ROR1: variants seen among roughly 807,000 people sequenced by gnomAD.
The protein encoded by ROR1 is inactive tyrosine-protein kinase transmembrane receptor ROR1.
Under a neutral mutation model 78.8 loss-of-function variants are expected in ROR1, and 19 were observed. The ratio of observed to expected loss-of-function variants is 0.24; its 90% CI spans 0.17 to 0.35. The LOEUF (loss-of-function observed/expected upper bound fraction) is 0.35. Among genes scored for constraint, ROR1 ranks in the 10% least tolerant of loss-of-function variants. The probability of loss-of-function intolerance (pLI) is 1.00; values close to 1 mark genes in which losing one functional copy is unlikely to be tolerated. For missense variants in ROR1, 917 were observed against 1,177.8 expected (o/e 0.78, Z 3.24); for synonymous variants, 386 against 433.6 (o/e 0.89, Z 1.36).
intron 4 of ROR1, among the ~76,000 whole-genome samples, chr1:64,083,606 A>AC (rs1647123628): frequency 6.6e-6 from 1 of 151,052 alleles, no homozygotes; most frequent in African/African-American, 2.4e-5. Flanking sequence ...AAAAAAAAAA[A>AC]AACAACCATT....
intron 1 of ROR1, among the ~76,000 whole-genome samples, chr1:63,909,740 G>A (rs1250059926): frequency 6.6e-6 from 1 of 152,046 alleles, no homozygotes; most frequent in East Asian, 1.9e-4. Context: ...ATCAGTGTGA[G>A]TAACTGCTAC....
chr1:63,833,106 C>G (rs991098014), intron 1 of ROR1, among the ~76,000 whole-genome samples: 5 of 152,202 alleles, frequency 3.3e-5, no homozygotes, highest in Non-Finnish European at 7.3e-5. Context: ...GGTGATTTCT[C>G]AGAACTCATA....
intron 1 of ROR1, among the ~76,000 whole-genome samples, chr1:63,879,943 G>T (rs190395948): frequency 6.6e-6 from 1 of 152,232 alleles, no homozygotes; most frequent in African/African-American, 2.4e-5. Flanking sequence ...AAAAAGTAAG[G>T]ATTAAGGGAG....
intron 4 of ROR1, among the ~76,000 whole-genome samples, chr1:64,132,960 G>A (rs1047780201): frequency 6.6e-6 from 1 of 151,938 alleles, no homozygotes; most frequent in African/African-American, 2.4e-5. Context: ...CACTTTGGTG[G>A]GCTACCCTGG....
At chr1:64,044,495 C>T (rs1646769025) in intron 2 of ROR1, among the ~76,000 whole-genome samples, 1 of 152,060 alleles carries the variant, frequency 6.6e-6, no homozygotes, top group Admixed American at 6.6e-5. Flanking sequence ...AAAAAAAAGC[C>T]AATTGCACTT....
chr1:63,864,327 T>C (rs897462473), intron 1 of ROR1, among the ~76,000 whole-genome samples: 2 of 152,166 alleles, frequency 1.3e-5, no homozygotes, highest in Non-Finnish European at 2.9e-5. Flanking sequence ...GGCCTTGTTA[T>C]GAGGCCACAG....
intron 1 of ROR1, among the ~76,000 whole-genome samples, chr1:63,943,117 AG>A (rs1227699465): frequency 2.4e-5 from 3 of 125,364 alleles, no homozygotes; most frequent in Non-Finnish European, 3.6e-5. Context: ...AAAAAAAAAA[AG>A]ATTAAGTGCA....
At chr1:64,103,357 G>A (rs868399933) in intron 4 of ROR1, among the ~76,000 whole-genome samples, 11 of 150,456 alleles carry the variant, frequency 7.3e-5, no homozygotes, top group South Asian at 2.1e-4. Flanking sequence ...AAAAAAGTAA[G>A]GAACTAGAAA....
chr1:63,944,216 T>C (rs1034966008), intron 1 of ROR1, among the ~76,000 whole-genome samples: 2 of 152,136 alleles, frequency 1.3e-5, no homozygotes, highest in African/African-American at 4.8e-5. Flanking sequence ...TCCCAGGAGA[T>C]TGGCTAAACC....
chr1:63,940,986 G>A, intron 1 of ROR1, among the ~76,000 whole-genome samples: 1 of 152,156 alleles, frequency 6.6e-6, no homozygotes, highest in Non-Finnish European at 1.5e-5. Context: ...GAAATATCAA[G>A]CAAACTGAGT....
chr1:63,822,780 C>G (rs1268578357), intron 1 of ROR1, among the ~76,000 whole-genome samples: 1 of 152,146 alleles, frequency 6.6e-6, no homozygotes, highest in African/African-American at 2.4e-5. Flanking sequence ...TTGGGCATTA[C>G]TCCTCTCTCT....
rs376298624 is a variant in ROR1, at chr1:63,870,037, C to T, written c.91+95529C>T. ...CACAAATATTACAACAGAAACTGAACTCAAAACACAAGGAAAAATGTGTGT... is the reference window on the plus strand; with the variant it reads ...CACAAATATTACAACAGAAACTGAATTCAAAACACAAGGAAAAATGTGTGT... On this transcript the variant is annotated intron_variant, in intron 1 of 8. Coordinates refer to ENST00000371079, the MANE Select transcript of ROR1 (RefSeq NM_005012.4). 4.6e-5 allele frequency among the ~76,000 whole-genome samples: 7 copies of T among 152,132 alleles called. No homozygotes were observed. In the East Asian group the frequency reaches 9.6e-4, roughly 21 times the overall value.
Position 63,815,478 on chromosome 1 carries a change from C to CTTTTCTTTTTTTTTTTTTT in ROR1, c.91+40974_91+40975insCTTTTTTTTTTTTTTTTTT, listed in dbSNP as rs1644885927. Among the ~76,000 whole-genome samples, 4 of 103,468 alleles carry CTTTTCTTTTTTTTTTTTTT rather than the reference C, an allele frequency of 3.9e-5. No individual in the cohort carries two copies. The South Asian group carries it at 1.2e-3, about 31-fold the overall frequency. The allele number at this position is 103,468 out of a possible 152,430, so 67.9% of individuals were successfully genotyped here. The stretch of plus-strand genomic sequence containing the variant: ...TTTTCTTTTTCTTTTCTTTTCTTTT[C>CTTTTCTTTTTTTTTTTTTT]TTTTTCTTTTTTTTTTTTTTTTGAG... On this transcript the variant is annotated intron_variant, in intron 1 of 8. Coordinates refer to ENST00000371079, the MANE Select transcript of ROR1 (RefSeq NM_005012.4).
chr1:63,960,829 A>AC (rs1463346622), intron 1 of ROR1, among the ~76,000 whole-genome samples: 2 of 152,214 alleles, frequency 1.3e-5, no homozygotes, highest in East Asian at 3.8e-4. Context: ...TATTAGGAGA[A>AC]CCAACCTTGG....
intron 1 of ROR1, among the ~76,000 whole-genome samples, chr1:63,907,722 G>A (rs1421271041): frequency 6.6e-6 from 1 of 152,168 alleles, no homozygotes; most frequent in African/African-American, 2.4e-5. Flanking sequence ...TTACCAGGAG[G>A]TTACTAGAAC....
chr1:64,034,514 G>A lies in ROR1; in HGVS notation c.164-15177G>A, dbSNP rs114160516. 4.2e-3 allele frequency among the ~76,000 whole-genome samples: 637 copies of A among 152,224 alleles called. 4 individuals are homozygous for A. Among genetic ancestry groups the A allele is most frequent in the African/African-American group, 0.014 (594 of 41,526 alleles). On this transcript the variant is annotated intron_variant, in intron 2 of 8. Coordinates refer to ENST00000371079, the MANE Select transcript of ROR1 (RefSeq NM_005012.4). ...TTTTTTAAGCATTTATAGCAAAAATGAATTATTGAGTCCCCCCTCTTTCTC... is the reference window on the plus strand; with the variant it reads ...TTTTTTAAGCATTTATAGCAAAAATAAATTATTGAGTCCCCCCTCTTTCTC...
intron 7 of ROR1, among the ~76,000 whole-genome samples, chr1:64,156,474 C>T (rs1013435465): frequency 2.7e-4 from 41 of 151,940 alleles, no homozygotes; most frequent in Middle Eastern, 3.2e-3. Flanking sequence ...TTTGGGAGGC[C>T]GAGGCAGGCG....
chr1:64,155,729 T>C (rs1649750955), intron 7 of ROR1, among the ~76,000 whole-genome samples: 1 of 152,232 alleles, frequency 6.6e-6, no homozygotes, highest in Non-Finnish European at 1.5e-5. Context: ...GAAAAATGAC[T>C]AGCATTGCGT....
rs189808377 is a variant in ROR1, at chr1:63,834,743, T to C, written c.91+60235T>C. ...TTTCCATGTGGGAGCTCTTGTGCTTTGTGCATTGGTTCCAAGATGGCAAGT... is the reference window on the plus strand; with the variant it reads ...TTTCCATGTGGGAGCTCTTGTGCTTCGTGCATTGGTTCCAAGATGGCAAGT... On this transcript the variant is annotated intron_variant, in intron 1 of 8. Coordinates refer to ENST00000371079, the MANE Select transcript of ROR1 (RefSeq NM_005012.4). Among the ~76,000 whole-genome samples, 865 of 152,266 alleles carry C rather than the reference T, an allele frequency of 5.7e-3. 7 individuals are homozygous for C. The highest frequency in any genetic ancestry group is 0.02 in the African/African-American group (820 of 41,544).
Sources: gnomAD v4.1 joint callset for allele counts (sites outside exome capture counted in the v4.1 genomes callset) on GRCh38, gnomAD v4.1.1 for gene constraint, MANE v1.5 for transcripts, NCBI Gene and HGNC (gene_info 2026-07-23, HGNC 2026-07-21) for gene names.